Variants in SNRPD1 observed in about 807,000 individuals in gnomAD.
The protein encoded by SNRPD1 is small nuclear ribonucleoprotein Sm D1.
SNRPD1 carries 1 observed loss-of-function variant against 14.4 expected under a neutral mutation model. The observed-to-expected ratio is 0.07, with a 90% CI of 0.02 to 0.33. The LOEUF (loss-of-function observed/expected upper bound fraction) is 0.33. SNRPD1 is among the 10% of genes least tolerant of loss of function. The pLI, the probability that SNRPD1 is intolerant of heterozygous loss-of-function variation, is 1.00. For missense variants in SNRPD1, 52 were observed against 146.4 expected, an observed-to-expected ratio of 0.36 and a Z score of 3.33; for synonymous variants, 42 against 50.3, an observed-to-expected ratio of 0.83 and a Z score of 0.70.
chr18:21,622,685 A>T, intron 1 of SNRPD1, 40 bp from the exon 2 acceptor site: 1 of 944,478 alleles, frequency 1.1e-6, no homozygotes, highest in Non-Finnish European at 1.7e-6. Context: ...ATGTGATTTT[A>T]AAGTGTTACA....
At chr18:21,626,915 G>A (rs1410804080) in intron 3 of SNRPD1, among the ~76,000 whole-genome samples, 2 of 150,376 alleles carry the variant, frequency 1.3e-5, no homozygotes, top group African/African-American at 2.4e-5. Context: ...GCTTCAGGCT[G>A]TCTTCTGCGT....
chr18:21,619,490 CTT>C (rs1415781414), intron 1 of SNRPD1, among the ~76,000 whole-genome samples: 2 of 148,416 alleles, frequency 1.3e-5, no homozygotes, highest in African/African-American at 2.5e-5. Context: ...CGAAGACTGT[CTT>C]TAAAAAAAAG....
Position 21,618,352 on chromosome 18 carries a change from C to CA in SNRPD1, c.15-4365dup, listed in dbSNP as rs199764808. ...AAAAACCTCTGTTTAAAAAAAAACA[C>CA]AAAAAAAACCTCTGTATATCTTTAT... is the stretch of plus-strand genomic sequence containing the variant. On this transcript the variant is annotated intron_variant, in intron 1 of 3. Coordinates refer to ENST00000300413, the MANE Select transcript of SNRPD1 (RefSeq NM_006938.4). Among the ~76,000 whole-genome samples the CA allele has an allele frequency of 6.1e-3, 917 of 151,096 alleles. 4 individuals are homozygous for CA. Among genetic ancestry groups the CA allele is most frequent in the Middle Eastern group, 0.017 (5 of 294 alleles).
chr18:21,625,649 C>T (rs140622805), intron 3 of SNRPD1, among the ~76,000 whole-genome samples: 2,864 of 151,300 alleles, frequency 0.019, 45 homozygotes, highest in Non-Finnish European at 0.031. Context: ...CTCACTCTGT[C>T]GCCCAGGCTG....
rs1280578515 is a variant in SNRPD1, at chr18:21,629,795, A to G, written c.*657A>G. ...AAACTTAACAATATATATAGGATAT[A>G]TACCCTTCTACTTCACATGCACTGA... is the stretch of plus-strand genomic sequence containing the variant. On this transcript the variant is annotated 3_prime_UTR_variant, in exon 4 of 4. Coordinates refer to ENST00000300413, the MANE Select transcript of SNRPD1 (RefSeq NM_006938.4). 6.6e-6 allele frequency: 1 copy of G among 152,226 alleles called. No homozygotes were observed. Among genetic ancestry groups the G allele is most frequent in the East Asian group, 1.9e-4 (1 of 5,198 alleles). 9.4% of individuals were successfully genotyped at this position (152,226 alleles called of 1,614,324 possible). A position where few individuals can be genotyped will look rare whatever the true frequency, so the allele number is the denominator to read the frequency against.
At chr18:21,626,984 T>TA (rs929799395) in intron 3 of SNRPD1, among the ~76,000 whole-genome samples, 104 of 136,882 alleles carry the variant, frequency 7.6e-4, no homozygotes, top group South Asian at 1.9e-3. Flanking sequence ...TTTCTTTCTT[T>TA]AAAAAAAAAA....
At chr18:21,621,118 A>T (rs769453602) in intron 1 of SNRPD1, among the ~76,000 whole-genome samples, 3 of 152,002 alleles carry the variant, frequency 2.0e-5, no homozygotes, top group African/African-American at 7.2e-5. Flanking sequence ...CAGTGAGCCG[A>T]GATTGTGCCA....
chr18:21,628,024 A>G (rs2039053748), intron 3 of SNRPD1, among the ~76,000 whole-genome samples: 1 of 152,098 alleles, frequency 6.6e-6, no homozygotes, highest in Admixed American at 6.6e-5. Flanking sequence ...AATGTCCCTT[A>G]ATTAGCATCT....
chr18:21,626,643 C>G (rs1214957389), intron 3 of SNRPD1, among the ~76,000 whole-genome samples: 1 of 151,630 alleles, frequency 6.6e-6, no homozygotes, highest in Admixed American at 6.6e-5. Flanking sequence ...AAAAATTAGC[C>G]AGGTGTGGTG....
At chr18:21,625,315 A>ATTTTTTTTTTTTTT (rs748864232) in intron 3 of SNRPD1, among the ~76,000 whole-genome samples, 115 of 98,180 alleles carry the variant, frequency 1.2e-3, no homozygotes, top group African/African-American at 3.0e-3. Flanking sequence ...TGTTGAAAAA[A>ATTTTTTTTTTTTTT]ATTTTTTTTT....
chr18:21,616,231 C>A (rs569185145), intron 1 of SNRPD1, among the ~76,000 whole-genome samples: 1 of 152,148 alleles, frequency 6.6e-6, no homozygotes, highest in Admixed American at 6.6e-5. Context: ...GTGATCCGCC[C>A]GCCTTGGCCT....
chr18:21,626,394 CAA>C (rs774960503), intron 3 of SNRPD1, among the ~76,000 whole-genome samples: 6 of 51,068 alleles, frequency 1.2e-4, no homozygotes, highest in Non-Finnish European at 1.5e-4. Context: ...ACCCTGTCGC[CAA>C]AAAAAAAAAA....
chr18:21,625,465 T>C (rs1410174696), intron 3 of SNRPD1, among the ~76,000 whole-genome samples: 4 of 151,782 alleles, frequency 2.6e-5, no homozygotes, highest in Non-Finnish European at 5.9e-5. Context: ...TATAGGTGTG[T>C]GCCACCACAC....
intron 3 of SNRPD1, among the ~76,000 whole-genome samples, chr18:21,627,921 C>T (rs1291705044): frequency 6.6e-6 from 1 of 152,106 alleles, no homozygotes; most frequent in African/African-American, 2.4e-5. Flanking sequence ...TGTACGTTTC[C>T]TTAGTTTCCT....
In SNRPD1 at chr18:21,620,999, T is replaced by TAA. The variant is rs541870871; in HGVS notation, c.15-1717_15-1716dup. Reference sequence around the variant, plus strand: ...TAACATGGTGAAACCCCGTCTCTACTAAAAAAAAAATACAAAAAATTAGCC... The same window carrying TAA: ...TAACATGGTGAAACCCCGTCTCTACTAAAAAAAAAAAATACAAAAAATTAGCC... On this transcript the variant is annotated intron_variant, in intron 1 of 3. Transcript: ENST00000300413. 2.0e-5 allele frequency among the ~76,000 whole-genome samples: 3 copies of TAA among 147,698 alleles called. No individual in the cohort carries two copies. In the East Asian group the frequency reaches 5.9e-4, roughly 29 times the overall value.
chr18:21,622,219 G>A (rs1195729120), intron 1 of SNRPD1, among the ~76,000 whole-genome samples: 10 of 151,356 alleles, frequency 6.6e-5, no homozygotes, highest in African/African-American at 2.4e-4. Flanking sequence ...GGCTCACTGA[G>A]AGCTCTGCTT....
chr18:21,625,063 T>G (rs561231000), intron 3 of SNRPD1, among the ~76,000 whole-genome samples: 3 of 152,278 alleles, frequency 2.0e-5, no homozygotes, highest in African/African-American at 7.2e-5. Flanking sequence ...AATCCATGGA[T>G]GTGCAACCCA....
At chr18:21,625,779 T>G (rs2039033897) in intron 3 of SNRPD1, among the ~76,000 whole-genome samples, 1 of 151,914 alleles carries the variant, frequency 6.6e-6, no homozygotes, top group Admixed American at 6.6e-5. Context: ...CCCGGCTAAT[T>G]TTTTGTATTT....
intron 1 of SNRPD1, among the ~76,000 whole-genome samples, chr18:21,621,272 GGTGAGGGTTTGCATAAT>G (rs1483409056): frequency 6.6e-6 from 1 of 152,202 alleles, no homozygotes; most frequent in African/African-American, 2.4e-5. Context: ...AACTTGTGTT[GGTGAGGGTTTGCATAAT>G]TGGGTTTGTA....
Sources: gnomAD v4.1 joint callset for allele counts (sites outside exome capture counted in the v4.1 genomes callset) on GRCh38, gnomAD v4.1.1 for gene constraint, MANE v1.5 for transcripts, NCBI Gene and HGNC (gene_info 2026-07-23, HGNC 2026-07-21) for gene names.